Variants in KLF8 observed in about 807,000 individuals in gnomAD.
KLF8 encodes the protein Krueppel-like factor 8.
A neutral mutation model predicts 18.2 loss-of-function variants in KLF8; 10 were observed. That is an observed-to-expected ratio of 0.55 (90% CI 0.34 to 0.93). The LOEUF is 0.93. KLF8 is among the 40% of genes least tolerant of loss of function. KLF8 has a pLI of 0.02. For missense variants in KLF8, 264 were observed against 277.9 expected (o/e 0.95, Z 0.36); for synonymous variants, 109 against 97.3 (o/e 1.12, Z -0.71).
chrX:55,961,662 G>A, the KLF8 span: 2 of 409,408 alleles, frequency 4.9e-6, no homozygotes, highest in Non-Finnish European at 9.2e-6. Context: ...AGCTCAGCCA[G>A]GATGTCCAAA....
chrX:56,195,669 T>A, the KLF8 span, among the ~76,000 whole-genome samples: 1 of 111,719 alleles, frequency 9.0e-6, no homozygotes, highest in Non-Finnish European at 1.9e-5. Context: ...CAAGATATTA[T>A]CCAGGAGAAT....
the KLF8 span, among the ~76,000 whole-genome samples, chrX:56,094,971 T>C: frequency 9.0e-6 from 1 of 111,087 alleles, no homozygotes; most frequent in African/African-American, 3.3e-5. Context: ...CATGAAACTA[T>C]CAATGCCCTT....
At chrX:56,138,010 G>A in the KLF8 span, among the ~76,000 whole-genome samples, 89 of 67,888 alleles carry the variant, frequency 1.3e-3, no homozygotes, top group African/African-American at 5.3e-3. Flanking sequence ...AACCGGAAAT[G>A]ACAAAGTGGC....
chrX:56,074,005 C>T, the KLF8 span, among the ~76,000 whole-genome samples: 1 of 111,795 alleles, frequency 8.9e-6, no homozygotes. Flanking sequence ...ACCTTGGCCT[C>T]CCAAAGTGCT....
chrX:56,284,256 C>A, intron 5 of KLF8, 57 bp from the exon 6 acceptor site: 1 of 913,299 alleles, frequency 1.1e-6, no homozygotes, highest in Non-Finnish European at 1.5e-6. Context: ...TATTATCTTT[C>A]TAGTATCCGA....
At chrX:56,134,334 A>G in the KLF8 span, among the ~76,000 whole-genome samples, 1 of 112,066 alleles carries the variant, frequency 8.9e-6, no homozygotes, top group African/African-American at 3.2e-5. Flanking sequence ...GACCAATGGG[A>G]CAGAAAGGAG....
chrX:56,005,780 C>T, the KLF8 span, among the ~76,000 whole-genome samples: 60 of 112,184 alleles, frequency 5.3e-4, no homozygotes, highest in South Asian at 0.01. Flanking sequence ...TGGGTGATAG[C>T]ATGCTGGCAG....
At chrX:55,981,060 G>A in the KLF8 span, among the ~76,000 whole-genome samples, 1 of 111,709 alleles carries the variant, frequency 9.0e-6, no homozygotes. Context: ...AGGCTTGGTG[G>A]CGTGTGCCTA....
At chrX:56,077,216 C>A in the KLF8 span, among the ~76,000 whole-genome samples, 1 of 111,813 alleles carries the variant, frequency 8.9e-6, no homozygotes, top group African/African-American at 3.3e-5. Context: ...AGTCCTTGCC[C>A]ATGCCTATGT....
At chrX:56,254,013 C>T (rs1319098471) in intron 2 of KLF8, among the ~76,000 whole-genome samples, 1 of 108,342 alleles carries the variant, frequency 9.2e-6, no homozygotes, top group African/African-American at 3.4e-5. Flanking sequence ...GATCCACCCA[C>T]CTCTTTGTGT....
At chrX:56,216,022 A>T in the KLF8 span, among the ~76,000 whole-genome samples, 2 of 107,973 alleles carry the variant, frequency 1.9e-5, no homozygotes, top group African/African-American at 3.4e-5. Flanking sequence ...ACCACTATTC[A>T]TCCAGTTGCT....
the KLF8 span, among the ~76,000 whole-genome samples, chrX:56,162,322 CAG>C: frequency 3.6e-5 from 4 of 112,114 alleles, no homozygotes; most frequent in African/African-American, 1.3e-4. Context: ...TTTAATTCTG[CAG>C]AGTTTTCTGC....
chrX:56,161,722 C>A, the KLF8 span, among the ~76,000 whole-genome samples: 4 of 111,571 alleles, frequency 3.6e-5, no homozygotes, highest in Admixed American at 3.8e-4. Context: ...TGAACTTCCT[C>A]CTTTAGCTCA....
chrX:56,127,536 T>C, the KLF8 span, among the ~76,000 whole-genome samples: 1 of 110,960 alleles, frequency 9.0e-6, no homozygotes, highest in African/African-American at 3.3e-5. Flanking sequence ...CATGATGGTG[T>C]GTGCCTGTAG....
At chrX:55,946,065 G>A in the KLF8 span, among the ~76,000 whole-genome samples, 1 of 111,507 alleles carries the variant, frequency 9.0e-6, no homozygotes, top group African/African-American at 3.3e-5. Flanking sequence ...ACTGCCCAAG[G>A]TAATTTATAG....
the KLF8 span, among the ~76,000 whole-genome samples, chrX:56,186,014 C>A: frequency 9.8e-5 from 11 of 112,200 alleles, no homozygotes; most frequent in Non-Finnish European, 1.7e-4. Context: ...GGATCAAATT[C>A]ACACATAAAA....
intron 5 of KLF8, 97 bp downstream of exon 5, chrX:56,270,418 GA>G: frequency 1.1e-6 from 1 of 949,066 alleles, no homozygotes; most frequent in Non-Finnish European, 1.4e-6. Context: ...GAGAGAGAGA[GA>G]GAGGGGCAGA....
At chrX:55,920,730 G>T in the KLF8 span, among the ~76,000 whole-genome samples, 2 of 111,061 alleles carry the variant, frequency 1.8e-5, no homozygotes, top group African/African-American at 3.3e-5. Flanking sequence ...AAAGAAAAAA[G>T]AATTTTAAAA....
At chrX:56,174,479 G>C in the KLF8 span, among the ~76,000 whole-genome samples, 1 of 111,983 alleles carries the variant, frequency 8.9e-6, no homozygotes, top group Non-Finnish European at 1.9e-5. Context: ...TTTTTGATGT[G>C]CTGCTGGATT....
Sources: gnomAD v4.1 joint callset for allele counts (sites outside exome capture counted in the v4.1 genomes callset) on GRCh38, gnomAD v4.1.1 for gene constraint, MANE v1.5 for transcripts, NCBI Gene and HGNC (gene_info 2026-07-23, HGNC 2026-07-21) for gene names.